Variants in EIF4B observed in about 807,000 individuals in gnomAD.
The protein encoded by EIF4B is eukaryotic translation initiation factor 4B.
EIF4B carries 8 observed loss-of-function variants against 79.3 expected under a neutral mutation model. The observed-to-expected ratio is 0.10, with a 90% confidence interval of 0.06 to 0.18. The LOEUF is 0.18. EIF4B is among the 10% of genes least tolerant of loss of function. The pLI, the probability that EIF4B is intolerant of heterozygous loss-of-function variation, is 1.00. For synonymous variants in EIF4B, 238 were observed against 274.7 expected, an observed-to-expected ratio of 0.87 and a Z score of 1.32; for missense variants, 515 against 792.4, an observed-to-expected ratio of 0.65 and a Z score of 4.20.
rs56017954 is a variant in EIF4B at position 53,007,420 on chromosome 12, CTTTTTTTTTTTTT to C, written c.13+940_13+952del. 6.9e-4 allele frequency among the ~76,000 whole-genome samples: 64 copies of C among 92,248 alleles called. 1 individual carries two copies. The highest frequency in any genetic ancestry group is 3.0e-3 in the African/African-American group (58 of 19,654). The allele number at this position is 92,248 out of a possible 152,430, so 60.5% of individuals were successfully genotyped here. ...GATAGCTCCAATGGTAGATTTCAGC[CTTTTTTTTTTTTT>C]TTTTTTTTTTTTTTTAAGGTAACTG... On this transcript the variant is annotated intron_variant, in intron 1 of 14. Transcript: ENST00000262056.
intron 1 of EIF4B, among the ~76,000 whole-genome samples, chr12:53,009,209 A>T (rs144799835): frequency 6.6e-6 from 1 of 152,214 alleles, no homozygotes; most frequent in African/African-American, 2.4e-5. Flanking sequence ...AATGCGTTTG[A>T]TACAGGTTAA....
intron 1 of EIF4B, among the ~76,000 whole-genome samples, chr12:53,015,802 C>A (rs1306808473): frequency 6.6e-6 from 1 of 151,738 alleles, no homozygotes; most frequent in African/African-American, 2.4e-5. Flanking sequence ...CATGGTGAAA[C>A]CCCGTCTCTA....
Position 53,032,661 on chromosome 12 carries a change from G to GT in EIF4B, c.980-1138dup, listed in dbSNP as rs972410683. ...GTGGTAGAAGAGTAATTGAACTTGG[G>GT]TTTTTTTGTTTTTTTTTTTTTTTGA... On this transcript the variant is annotated intron_variant, in intron 8 of 14. Coordinates refer to ENST00000262056, the MANE Select transcript of EIF4B (RefSeq NM_001417.7). 6.1e-4 allele frequency among the ~76,000 whole-genome samples: 84 copies of GT among 137,480 alleles called. No homozygotes were observed. The East Asian group carries it at 0.01, about 17-fold the overall frequency. 90.2% of individuals were successfully genotyped at this position (137,480 alleles called of 152,430 possible). A position where few individuals can be genotyped will look rare whatever the true frequency, so the allele number is the denominator to read the frequency against.
intron 2 of EIF4B, among the ~76,000 whole-genome samples, chr12:53,017,523 G>GT (rs1302480977): frequency 3.9e-5 from 6 of 152,050 alleles, no homozygotes; most frequent in Non-Finnish European, 7.4e-5. Context: ...CATTACCATT[G>GT]TTTTTTTCCT....
chr12:53,019,675 CTTT>C (rs34225588), intron 3 of EIF4B, among the ~76,000 whole-genome samples: 1 of 132,338 alleles, frequency 7.6e-6, no homozygotes. Context: ...CTGAATTAAT[CTTT>C]TTTTTTTTTT....
chr12:53,035,194 C>T (rs1224952270), intron 10 of EIF4B, among the ~76,000 whole-genome samples: 1 of 151,542 alleles, frequency 6.6e-6, no homozygotes, highest in Non-Finnish European at 1.5e-5. Flanking sequence ...CTTCCCTTAC[C>T]ATGATGTGTT....
chr12:53,039,860 TCTTTA>T, intron 14 of EIF4B, 158 bp downstream of exon 14: 1 of 788,214 alleles, frequency 1.3e-6, no homozygotes, highest in Non-Finnish European at 1.9e-6. Context: ...AAGACATTGG[TCTTTA>T]CTGAAATAGC....
At position 53,040,382 on chromosome 12, in the gene EIF4B, C is replaced by T. The variant is rs1017283024; in HGVS notation, c.*159C>T. ...ACAAAAAATGAAATTATTTTGCATG[C>T]TGCTGCAGCCTTTAAAGTATTGAAG... is the stretch of plus-strand genomic sequence containing the variant. On this transcript the variant is annotated 3_prime_UTR_variant, in exon 15 of 15. Transcript: ENST00000262056. 13 of 676,152 alleles carry T rather than the reference C, an allele frequency of 1.9e-5. No homozygotes were observed. The highest frequency in any genetic ancestry group is 3.1e-5 in the Non-Finnish European group (13 of 414,428). The allele number at this position is 676,152 out of a possible 1,614,324, so 41.9% of individuals were successfully genotyped here. A position where few individuals can be genotyped will look rare whatever the true frequency, so the allele number is the denominator to read the frequency against.
chr12:53,007,934 G>C (rs140442240), intron 1 of EIF4B, among the ~76,000 whole-genome samples: 169 of 152,318 alleles, frequency 1.1e-3, no homozygotes, highest in African/African-American at 3.7e-3. Context: ...ACTGCTCTCA[G>C]CTGGCAGAGC....
chr12:53,013,196 A>G (rs1057045551), intron 1 of EIF4B, among the ~76,000 whole-genome samples: 1 of 152,200 alleles, frequency 6.6e-6, no homozygotes, highest in Non-Finnish European at 1.5e-5. Context: ...ATATAGAACA[A>G]AGAGGAAAGG....
chr12:53,018,688 T>C (rs1041019463), intron 2 of EIF4B, 110 bp from the exon 3 acceptor site: 2 of 1,302,336 alleles, frequency 1.5e-6, no homozygotes, highest in Admixed American at 4.4e-5. Context: ...TTTGGTCTGG[T>C]TTTCTTGTAT....
chr12:53,008,277 AT>A (rs1348032168), intron 1 of EIF4B, among the ~76,000 whole-genome samples: 1 of 152,154 alleles, frequency 6.6e-6, no homozygotes, highest in Non-Finnish European at 1.5e-5. Flanking sequence ...GATAAAAGGG[AT>A]TTACTCTGAC....
At chr12:53,033,215 C>T (rs528568746) in intron 8 of EIF4B, among the ~76,000 whole-genome samples, 1 of 151,598 alleles carries the variant, frequency 6.6e-6, no homozygotes, top group East Asian at 1.9e-4. Context: ...GACGGGGTTT[C>T]TCCATGTTGG....
intron 7 of EIF4B, 41 bp downstream of exon 7, chr12:53,027,960 GC>G (rs1267711889): frequency 6.6e-7 from 1 of 1,505,640 alleles, no homozygotes; most frequent in Admixed American, 2.1e-5. Context: ...CAGTAACTTT[GC>G]CTTTTTTTTT....
At chr12:53,030,811 C>T (rs1943430411) in intron 8 of EIF4B, among the ~76,000 whole-genome samples, 1 of 152,096 alleles carries the variant, frequency 6.6e-6, no homozygotes, top group African/African-American at 2.4e-5. Flanking sequence ...GAGCTGAGGG[C>T]TTGTACAAGT....
rs572528861 is a variant in EIF4B at position 53,030,490 on chromosome 12, C to T, written c.979+2302C>T. ...AGGCTAGAGTGCAATGGCGCGATCTCGGCTCACTGCAACCTCTGCCTCCCA... is the reference window on the plus strand; with the variant it reads ...AGGCTAGAGTGCAATGGCGCGATCTTGGCTCACTGCAACCTCTGCCTCCCA... On this transcript the variant is annotated intron_variant, in intron 8 of 14. Transcript: ENST00000262056. Among the ~76,000 whole-genome samples the T allele has an allele frequency of 2.7e-3, 333 of 124,910 alleles. 3 individuals are homozygous for T. The highest frequency in any genetic ancestry group is 8.9e-3 in the African/African-American group (312 of 34,930). The allele number at this position is 124,910 out of a possible 152,430, so 81.9% of individuals were successfully genotyped here.
chr12:53,017,098 C>T (rs893561087), intron 2 of EIF4B, among the ~76,000 whole-genome samples: 1 of 152,006 alleles, frequency 6.6e-6, no homozygotes, highest in Non-Finnish European at 1.5e-5. Context: ...ACTAAAAATA[C>T]AAAAATTAGC....
At chr12:53,031,428 C>G (rs1395008126) in intron 8 of EIF4B, among the ~76,000 whole-genome samples, 1 of 152,206 alleles carries the variant, frequency 6.6e-6, no homozygotes, top group African/African-American at 2.4e-5. Context: ...AGGTGCGTGC[C>G]ATATGCCTGG....
intron 11 of EIF4B, 148 bp from the exon 12 acceptor site, chr12:53,038,208 A>C (rs1418022578): frequency 1.0e-5 from 6 of 596,542 alleles, no homozygotes; most frequent in Non-Finnish European, 1.7e-5. Context: ...CTTTCATTGT[A>C]ATCTTTCCCA....
Sources: allele counts gnomAD v4.1 joint callset (sites outside exome capture counted in the v4.1 genomes callset), GRCh38; gene constraint gnomAD v4.1.1; transcripts MANE v1.5; gene names NCBI Gene and HGNC (gene_info 2026-07-23, HGNC 2026-07-21).